Variants in ZNF569 observed in about 807,000 individuals in gnomAD.
ZNF569 encodes DNA-binding protein.
A neutral mutation model predicts 56.3 loss-of-function variants in ZNF569; 38 were observed. The observed-to-expected ratio is 0.68, with a 90% CI of 0.52 to 0.88. The LOEUF (loss-of-function observed/expected upper bound fraction) is 0.88. Ranked by LOEUF, ZNF569 falls within the 40% of genes least tolerant of loss-of-function variation. The pLI is 0.00. For missense variants in ZNF569, 666 were observed against 809.2 expected (o/e 0.82, Z 2.15); for synonymous variants, 241 against 262.9 (o/e 0.92, Z 0.81).
rs966537495 is a variant in ZNF569 at position 37,420,136 on chromosome 19, G to A, written c.239-5717C>T. ...TGAGTAGCTGGGATTACAGGTGTGC[G>A]CCACCACGCCAGGCTAATTTTTTTT... is the stretch of plus-strand genomic sequence containing the variant. On this transcript the variant is annotated intron_variant, in intron 5 of 5. Coordinates refer to ENST00000316950, the MANE Select transcript of ZNF569 (RefSeq NM_152484.3). Among the ~76,000 whole-genome samples the A allele has an allele frequency of 6.6e-5, 10 of 151,764 alleles. No homozygotes were observed. The South Asian group carries it at 1.3e-3, about 19-fold the overall frequency.
chr19:37,467,899 G>A (rs2041875624), upstream of ZNF569: 1 of 1,536,138 alleles, frequency 6.5e-7, no homozygotes, highest in Non-Finnish European at 8.7e-7. Context: ...CAATGTGCAT[G>A]TATTTGTTCT....
intron 3 of ZNF569, among the ~76,000 whole-genome samples, chr19:37,437,134 T>A (rs978881198): frequency 6.6e-6 from 1 of 151,838 alleles, no homozygotes; most frequent in African/African-American, 2.4e-5. Flanking sequence ...CAATACATCA[T>A]GACCAAGTGG....
chr19:37,429,299 C>T (rs1179115845), intron 3 of ZNF569, among the ~76,000 whole-genome samples: 2 of 152,156 alleles, frequency 1.3e-5, no homozygotes, highest in African/African-American at 4.8e-5. Flanking sequence ...ATGCGACTTA[C>T]CAGAGTCGAG....
chr19:37,458,157 C>T (rs1234508865), intron 2 of ZNF569, among the ~76,000 whole-genome samples: 1 of 152,210 alleles, frequency 6.6e-6, no homozygotes, highest in African/African-American at 2.4e-5. Context: ...AGGCCTGAGC[C>T]ACCATGCCCA....
At chr19:37,447,828 G>C (rs1235267375) in intron 2 of ZNF569, among the ~76,000 whole-genome samples, 1 of 152,050 alleles carries the variant, frequency 6.6e-6, no homozygotes, top group Non-Finnish European at 1.5e-5. Flanking sequence ...ATGAATGTTT[G>C]TCAAGTGCTT....
intron 3 of ZNF569, among the ~76,000 whole-genome samples, chr19:37,442,861 A>C (rs1238681259): frequency 6.6e-6 from 1 of 152,230 alleles, no homozygotes; most frequent in Admixed American, 6.5e-5. Context: ...AGGAAGAAAC[A>C]ATTTATGGTG....
chr19:37,414,542 T>C (rs2040897003), intron 5 of ZNF569, 123 bp from the exon 6 acceptor site: 1 of 1,393,516 alleles, frequency 7.2e-7, no homozygotes, highest in South Asian at 1.7e-5. Context: ...TCTCCCACTA[T>C]TAAAACATTT....
intron 1 of ZNF569, among the ~76,000 whole-genome samples, chr19:37,466,343 T>C (rs1464635612): frequency 6.6e-6 from 1 of 152,156 alleles, no homozygotes; most frequent in Non-Finnish European, 1.5e-5. Flanking sequence ...TAAAAACATA[T>C]TTCCGGCCGG....
chr19:37,441,460 T>C (rs137919144), intron 3 of ZNF569, among the ~76,000 whole-genome samples: 17 of 152,146 alleles, frequency 1.1e-4, no homozygotes, highest in Admixed American at 6.5e-4. Context: ...GAGTTCGAGA[T>C]CAGCCTGGGC....
rs569745882 is a variant in ZNF569, at chr19:37,464,493, T to C, written c.-44+820A>G. Among the ~76,000 whole-genome samples, 133 of 152,350 alleles carry C rather than the reference T, an allele frequency of 8.7e-4. 1 individual carries two copies. Among genetic ancestry groups the C allele is most frequent in the Non-Finnish European group, 1.7e-3 (113 of 68,042 alleles). On this transcript the variant is annotated intron_variant, in intron 2 of 5. Coordinates refer to ENST00000316950, the MANE Select transcript of ZNF569 (RefSeq NM_152484.3). ...GCGCCTGGCCCATTTTTAATCTTTA[T>C]ATACTGCATTTTCACTGTATCTTTT...
At chr19:37,460,779 A>C (rs2041745807) in intron 2 of ZNF569, among the ~76,000 whole-genome samples, 1 of 151,816 alleles carries the variant, frequency 6.6e-6, no homozygotes, top group Non-Finnish European at 1.5e-5. Context: ...AAAAAAAAAA[A>C]GTCAAGGGAT....
chr19:37,467,699 G>T, upstream of ZNF569: 2 of 631,004 alleles, frequency 3.2e-6, no homozygotes, highest in Non-Finnish European at 5.7e-6. Context: ...GCGGCTAGAA[G>T]AGGGAGGAGT....
rs1396020978 is a variant in ZNF569 at position 37,414,273 on chromosome 19, A to C, written c.385T>G (p.Phe129Val). 6 of 1,613,698 alleles carry C rather than the reference A, an allele frequency of 3.7e-6. No individual in the cohort carries two copies. The highest frequency in any genetic ancestry group is 5.1e-6 in the Non-Finnish European group (6 of 1,179,790). ...TAGAGATTGTGTCTGGAAGGGAAAAAATCAGAGTTCAGAGGAAATACATTT... is the reference window on the plus strand; with the variant it reads ...TAGAGATTGTGTCTGGAAGGGAAAACATCAGAGTTCAGAGGAAATACATTT... ...FANVFPLNSD[F>V]FPSRHNLYEY... Residue 129 changes from phenylalanine to valine, a missense_variant, in exon 6 of 6, where the codon TTT becomes GTT. By Grantham distance (50) the Phe-to-Val change is conservative (BLOSUM62 -1). Coordinates refer to ENST00000316950, the MANE Select transcript of ZNF569 (RefSeq NM_152484.3).
intron 3 of ZNF569, among the ~76,000 whole-genome samples, chr19:37,428,521 T>A (rs906067134): frequency 8.2e-6 from 1 of 121,540 alleles, no homozygotes; most frequent in Admixed American, 9.2e-5. Flanking sequence ...AGACCCTGTC[T>A]CTTAAAAAAA....
At chr19:37,422,557 T>C (rs2041055942) in intron 5 of ZNF569, among the ~76,000 whole-genome samples, 1 of 152,182 alleles carries the variant, frequency 6.6e-6, no homozygotes, top group African/African-American at 2.4e-5. Flanking sequence ...ATGGGCTTGT[T>C]CGATGCAGGG....
upstream of ZNF569, among the ~76,000 whole-genome samples, chr19:37,468,717 A>T (rs959796456): frequency 6.6e-6 from 1 of 152,156 alleles, no homozygotes; most frequent in African/African-American, 2.4e-5. Flanking sequence ...CATGTTGGTC[A>T]GGCTGGTCTC....
chr19:37,464,251 G>T (rs868065473), intron 2 of ZNF569, among the ~76,000 whole-genome samples: 2 of 151,980 alleles, frequency 1.3e-5, no homozygotes, highest in Non-Finnish European at 2.9e-5. Flanking sequence ...GTACAGTGGC[G>T]CAATCTCAGC....
chr19:37,445,631 T>A (rs1265028507), intron 2 of ZNF569, among the ~76,000 whole-genome samples: 1 of 152,194 alleles, frequency 6.6e-6, no homozygotes, highest in Non-Finnish European at 1.5e-5. Flanking sequence ...CACAAATCAG[T>A]AGCCCTGCTA....
chr19:37,419,969 C>CTTTTTTT (rs60568702), intron 5 of ZNF569, among the ~76,000 whole-genome samples: 11 of 100,626 alleles, frequency 1.1e-4, no homozygotes, highest in Non-Finnish European at 1.3e-4. Flanking sequence ...TCTTTTCTTT[C>CTTTTTTT]TTTTTTTTTT....
Sources: gnomAD v4.1 joint callset for allele counts (sites outside exome capture counted in the v4.1 genomes callset) on GRCh38, gnomAD v4.1.1 for gene constraint, MANE v1.5 for transcripts, NCBI Gene and HGNC (gene_info 2026-07-23, HGNC 2026-07-21) for gene names.